Variants in GABRG2 observed in about 807,000 individuals in gnomAD.
GABRG2 encodes the protein gamma-aminobutyric acid type A receptor subunit gamma2.
In GABRG2, 16 loss-of-function variants were observed where a neutral mutation model predicts 56.4. The observed-to-expected ratio is 0.28, with a 90% CI of 0.19 to 0.43. GABRG2 has a LOEUF of 0.43. GABRG2 is among the 20% of genes least tolerant of loss of function. The pLI is 1.00. For missense variants in GABRG2, 327 were observed against 582.7 expected (o/e 0.56, Z 4.52); for synonymous variants, 208 against 205.5 (o/e 1.01, Z -0.10).
At chr5:162,085,189 G>A (rs1382125960) in intron 1 of GABRG2, among the ~76,000 whole-genome samples, 4 of 151,848 alleles carry the variant, frequency 2.6e-5, no homozygotes, top group East Asian at 1.9e-4. Flanking sequence ...CCATTTTACT[G>A]TTGATTTGAG....
chr5:162,107,997 C>T (rs1458954134), intron 6 of GABRG2, among the ~76,000 whole-genome samples: 1 of 152,166 alleles, frequency 6.6e-6, no homozygotes. Flanking sequence ...ATTATAAAAG[C>T]TAGCACTTAC....
Position 162,097,656 on chromosome 5 carries a change from T to C in GABRG2, c.346T>C (p.Phe116Leu). 1 of 1,611,654 alleles carries C rather than the reference T, an allele frequency of 6.2e-7. No homozygotes were observed. The highest frequency in any genetic ancestry group is 8.5e-7 in the Non-Finnish European group (1 of 1,178,014). The stretch of plus-strand genomic sequence containing the variant: ...AAAACAGGAATACACTATTGATATA[T>C]TTTTTGCGCAAACGTGGTATGACAG... ...AINMEYTIDI[F>L]FAQTWYDRRL... The change falls in exon 4 of 10, where the codon TTT (phenylalanine) becomes CTT (leucine). Residue 116 changes from phenylalanine to leucine, a missense_variant. Coordinates refer to ENST00000639213, the MANE Select transcript of GABRG2 (RefSeq NM_198904.4).
At chr5:162,103,453 A>G (rs1332202303) in intron 5 of GABRG2, 1 of 157,590 alleles carries the variant, frequency 6.3e-6, no homozygotes, top group African/African-American at 2.4e-5. Context: ...TCTTTGGAGA[A>G]GTTTTGAGTC....
intron 6 of GABRG2, 54 bp downstream of exon 6, chr5:162,104,080 G>T (rs1761632253): frequency 6.3e-7 from 1 of 1,586,386 alleles, no homozygotes; most frequent in East Asian, 2.2e-5. Context: ...TGAAATTTTG[G>T]TATATATGAA....
chr5:162,131,118 C>T (rs1250236714), intron 6 of GABRG2, among the ~76,000 whole-genome samples: 1 of 151,922 alleles, frequency 6.6e-6, no homozygotes, highest in Non-Finnish European at 1.5e-5. Flanking sequence ...GTGTATATTT[C>T]TGTTCACAGG....
In GABRG2 at chr5:162,142,309, A is replaced by G. The variant is rs1398214382; in HGVS notation, c.915A>G (p.Thr305=). 7 of 1,613,976 alleles carry G rather than the reference A, an allele frequency of 4.3e-6. No homozygotes were observed. The highest frequency in any genetic ancestry group is 1.1e-5 in the South Asian group (1 of 91,080). Reference sequence around the variant, plus strand: ...ATAAGGATGCTGTTCCAGCCAGAACATCTTTAGGTGAGACACCTTTGTTTA... The same window carrying G: ...ATAAGGATGCTGTTCCAGCCAGAACGTCTTTAGGTGAGACACCTTTGTTTA... ...WINKDAVPAR[T]SLGITTVLTM... is the part of the protein sequence containing the mutation. The change falls in exon 7 of 10, where the codon ACA becomes ACG. Residue 305 remains threonine, a synonymous_variant. Coordinates refer to ENST00000639213, the MANE Select transcript of GABRG2 (RefSeq NM_198904.4).
intron 1 of GABRG2, chr5:162,083,518 A>C (rs952417195): frequency 5.3e-6 from 1 of 188,228 alleles, no homozygotes; most frequent in Non-Finnish European, 1.1e-5. Flanking sequence ...CTTTCTTCTT[A>C]CCCACATAAA....
chr5:162,093,269 A>T (rs1282037335), intron 1 of GABRG2, among the ~76,000 whole-genome samples: 1 of 152,064 alleles, frequency 6.6e-6, no homozygotes, highest in East Asian at 1.9e-4. Context: ...AGTGCAAGTG[A>T]GGGGAAAAAA....
At chr5:162,078,397 A>ATATATATATATATATTTATTTTT (rs1371312030) in intron 1 of GABRG2, among the ~76,000 whole-genome samples, 1 of 30,686 alleles carries the variant, frequency 3.3e-5, no homozygotes, top group African/African-American at 1.7e-4. Context: ...ATATATATAT[A>ATATATATATATATATTTATTTTT]TTTTTTTTTT....
intron 1 of GABRG2, among the ~76,000 whole-genome samples, chr5:162,093,455 A>G (rs1040391126): frequency 3.3e-5 from 5 of 152,132 alleles, no homozygotes; most frequent in Non-Finnish European, 5.9e-5. Context: ...GAAAGAGCAG[A>G]CATTATACCT....
At chr5:162,105,409 C>T (rs1278292030) in intron 6 of GABRG2, among the ~76,000 whole-genome samples, 2 of 147,266 alleles carry the variant, frequency 1.4e-5, no homozygotes, top group Non-Finnish European at 3.0e-5. Flanking sequence ...AGAAACCTGA[C>T]CATCAAGTAT....
Position 162,114,255 on chromosome 5 carries a change from A to G in GABRG2, c.769+10229A>G, listed in dbSNP as rs565720523. Among the ~76,000 whole-genome samples the G allele has an allele frequency of 8.4e-4, 127 of 152,046 alleles. 1 individual carries two copies. The highest frequency in any genetic ancestry group is 8.1e-3 in the Admixed American group (123 of 15,260). ...CAAAGTCTCTACTACTCCCTGTCCT[A>G]TTTCCTATTTTTGGAGTTATGTTTT... is the stretch of plus-strand genomic sequence containing the variant. On this transcript the variant is annotated intron_variant, in intron 6 of 9. Coordinates refer to ENST00000639213, the MANE Select transcript of GABRG2 (RefSeq NM_198904.4).
chr5:162,119,995 C>A (rs2113475443), intron 6 of GABRG2, among the ~76,000 whole-genome samples: 1 of 152,184 alleles, frequency 6.6e-6, no homozygotes, highest in African/African-American at 2.4e-5. Flanking sequence ...CCATGCTTGC[C>A]ATGCCTAGTG....
chr5:162,106,887 G>T (rs1212119480), intron 6 of GABRG2, among the ~76,000 whole-genome samples: 2 of 140,924 alleles, frequency 1.4e-5, no homozygotes, highest in African/African-American at 5.4e-5. Context: ...TACATGTACA[G>T]GTTTGTTATA....
chr5:162,114,901 G>A (rs1053095661), intron 6 of GABRG2, among the ~76,000 whole-genome samples: 6 of 152,106 alleles, frequency 3.9e-5, no homozygotes, highest in Non-Finnish European at 7.4e-5. Flanking sequence ...CAACTCACAT[G>A]TAAGCAGCTA....
chr5:162,101,271 C>T lies in GABRG2; in HGVS notation c.585C>T (p.His195=), dbSNP rs150134470. Residue 195 remains histidine, a synonymous_variant, in exon 5 of 10, where the codon CAC becomes CAT. Coordinates refer to ENST00000639213, the MANE Select transcript of GABRG2 (RefSeq NM_198904.4). The part of the protein sequence containing the change: ...TIDAECQLQL[H]NFPMDEHSCP... ...ATGCTGAGTGCCAATTACAATTGCACAACTTTCCAATGGATGAACACTCCT... is the reference window on the plus strand; with the variant it reads ...ATGCTGAGTGCCAATTACAATTGCATAACTTTCCAATGGATGAACACTCCT... 1.9e-6 allele frequency: 3 copies of T among 1,611,716 alleles called. No individual in the cohort carries two copies. In the African/African-American group the frequency reaches 4.0e-5, roughly 22 times the overall value.
intron 3 of GABRG2, 103 bp downstream of exon 3, chr5:162,095,665 T>C: frequency 6.4e-6 from 5 of 784,132 alleles, no homozygotes; most frequent in Non-Finnish European, 1.1e-5. Context: ...AAATTTAAGT[T>C]TAAAACTTTA....
intron 1 of GABRG2, among the ~76,000 whole-genome samples, chr5:162,077,103 GTGTGTGTGA>G (rs1319677457): frequency 0.012 from 1,845 of 149,366 alleles, 48 homozygotes; most frequent in African/African-American, 0.043. Flanking sequence ...GTGTGTGTGT[GTGTGTGTGA>G]TGTTTCTATC....
intron 6 of GABRG2, among the ~76,000 whole-genome samples, chr5:162,122,923 T>A (rs528253844): frequency 6.6e-6 from 1 of 151,812 alleles, no homozygotes; most frequent in South Asian, 2.1e-4. Flanking sequence ...TTTTGTTGAT[T>A]CTTGTTTATG....
Sources: gnomAD v4.1 joint callset for allele counts (sites outside exome capture counted in the v4.1 genomes callset) on GRCh38, gnomAD v4.1.1 for gene constraint, MANE v1.5 for transcripts, NCBI Gene and HGNC (gene_info 2026-07-23, HGNC 2026-07-21) for gene names.